BAIAP2L1: variants seen among roughly 807,000 people sequenced by gnomAD.
The protein encoded by BAIAP2L1 is BAR/IMD domain containing adaptor protein 2 like 1, also known as BAR/IMD domain-containing adapter protein 2-like 1.
A neutral mutation model predicts 66.3 loss-of-function variants in BAIAP2L1; 35 were observed. The observed-to-expected ratio is 0.53, with a 90% CI of 0.40 to 0.70. The LOEUF is 0.70. Among genes scored for constraint, BAIAP2L1 ranks in the 30% least tolerant of loss-of-function variants. BAIAP2L1 has a pLI of 0.00. For missense variants in BAIAP2L1, 622 were observed against 656.9 expected (o/e 0.95, Z 0.58); for synonymous variants, 269 against 248.7 (o/e 1.08, Z -0.77).
intron 11 of BAIAP2L1, among the ~76,000 whole-genome samples, chr7:98,305,847 A>G (rs532645588): frequency 2.6e-5 from 4 of 152,262 alleles, no homozygotes; most frequent in African/African-American, 9.6e-5. Flanking sequence ...TCTGATCTGG[A>G]ATACGGATTT....
chr7:98,393,291 C>T (rs2115853497), intron 1 of BAIAP2L1, among the ~76,000 whole-genome samples: 1 of 151,982 alleles, frequency 6.6e-6, no homozygotes, highest in African/African-American at 2.4e-5. Context: ...ATCCATCCTC[C>T]TCGGCCTCCC....
chr7:98,292,427 G>A lies in BAIAP2L1; in HGVS notation c.*1094C>T. 1 of 573,316 alleles carries A rather than the reference G, an allele frequency of 1.7e-6. No individual in the cohort carries two copies. The highest frequency in any genetic ancestry group is 3.1e-6 in the Non-Finnish European group (1 of 322,398). The allele number at this position is 573,316 out of a possible 1,614,324, so 35.5% of individuals were successfully genotyped here. A position where few individuals can be genotyped will look rare whatever the true frequency, so the allele number is the denominator to read the frequency against. ...GACCTCAGGTGATCCCCCTGCCTCG[G>A]CCTCACAAAATGCTGGGATTCCCGT... On this transcript the variant is annotated 3_prime_UTR_variant, in exon 14 of 14. Coordinates refer to ENST00000005260, the MANE Select transcript of BAIAP2L1 (RefSeq NM_018842.5).
chr7:98,357,616 G>A (rs1057077866), intron 2 of BAIAP2L1, among the ~76,000 whole-genome samples: 9 of 149,164 alleles, frequency 6.0e-5, no homozygotes, highest in African/African-American at 2.2e-4. Context: ...TAAAAGTTAT[G>A]GTTTTTACCA....
At chr7:98,383,408 C>T (rs190784143) in intron 1 of BAIAP2L1, among the ~76,000 whole-genome samples, 15 of 151,638 alleles carry the variant, frequency 9.9e-5, no homozygotes, top group African/African-American at 2.7e-4. Context: ...CTCAGCCTCC[C>T]GAGCAGCTGG....
At chr7:98,355,276 T>C (rs1266084891) in intron 2 of BAIAP2L1, 148 bp from the exon 3 acceptor site, 1 of 647,402 alleles carries the variant, frequency 1.5e-6, no homozygotes, top group East Asian at 2.7e-5. Context: ...GTAAGACCTG[T>C]GTTGAGAGTG....
chr7:98,346,813 TGA>T (rs1167286968), intron 3 of BAIAP2L1, among the ~76,000 whole-genome samples: 3 of 152,244 alleles, frequency 2.0e-5, no homozygotes, highest in Admixed American at 2.0e-4. Flanking sequence ...GTAGCAACAC[TGA>T]GTCAAACGTA....
rs141748672 is a variant in BAIAP2L1, at chr7:98,336,994, A to C, written c.215-16696T>G. ...TTTTCTTGTCCATAAAATGGGAATA[A>C]TCTCTCTTACCTGAGAGGACTGCTG... is the stretch of plus-strand genomic sequence containing the variant. On this transcript the variant is annotated intron_variant, in intron 3 of 13. Coordinates refer to ENST00000005260, the MANE Select transcript of BAIAP2L1 (RefSeq NM_018842.5). Among the ~76,000 whole-genome samples the C allele has an allele frequency of 1.1e-4, 17 of 152,292 alleles. 2 individuals are homozygous for C. In the East Asian group the frequency reaches 3.3e-3, roughly 29 times the overall value.
intron 2 of BAIAP2L1, among the ~76,000 whole-genome samples, chr7:98,359,551 G>A (rs971981753): frequency 3.9e-5 from 6 of 152,136 alleles, no homozygotes; most frequent in Admixed American, 6.5e-5. Flanking sequence ...GATTACAGGC[G>A]TGAGCCATCG....
At position 98,362,539 on chromosome 7, in the gene BAIAP2L1, C is replaced by T. The variant is rs1584486357; in HGVS notation, c.52-107G>A. The T allele has an allele frequency of 4.7e-6, 4 of 845,022 alleles. No homozygotes were observed. In the East Asian group the frequency reaches 1.0e-4, roughly 22 times the overall value. 52.3% of individuals were successfully genotyped at this position (845,022 alleles called of 1,614,324 possible). ...GGATAGCTATGGATGCCTAACAGCA[C>T]AGTCTACAAAGTAATGAATGCTGAT... On this transcript the variant is annotated intron_variant, in intron 1 of 13. Coordinates refer to ENST00000005260, the MANE Select transcript of BAIAP2L1 (RefSeq NM_018842.5).
intron 1 of BAIAP2L1, among the ~76,000 whole-genome samples, chr7:98,389,840 GT>G (rs201536671): frequency 6.6e-6 from 1 of 151,662 alleles, no homozygotes; most frequent in Non-Finnish European, 1.5e-5. Context: ...TTAAAAGGCA[GT>G]TTTAAGAACT....
intron 7 of BAIAP2L1, among the ~76,000 whole-genome samples, chr7:98,313,529 A>C (rs1800956754): frequency 6.6e-6 from 1 of 152,110 alleles, no homozygotes; most frequent in Non-Finnish European, 1.5e-5. Flanking sequence ...GAAGATTCTA[A>C]AGTGAACTCT....
At chr7:98,342,684 A>G (rs1801772693) in intron 3 of BAIAP2L1, among the ~76,000 whole-genome samples, 1 of 152,174 alleles carries the variant, frequency 6.6e-6, no homozygotes, top group Admixed American at 6.5e-5. Flanking sequence ...CCCCAAAGAA[A>G]GTCTTATTTC....
At chr7:98,325,919 G>A (rs558554851) in intron 3 of BAIAP2L1, among the ~76,000 whole-genome samples, 3 of 152,306 alleles carry the variant, frequency 2.0e-5, no homozygotes, top group South Asian at 2.1e-4. Context: ...TGAAAGGCTC[G>A]GTCAGCATCT....
chr7:98,326,231 T>C (rs1801379012), intron 3 of BAIAP2L1, among the ~76,000 whole-genome samples: 1 of 152,164 alleles, frequency 6.6e-6, no homozygotes, highest in African/African-American at 2.4e-5. Context: ...GAGCCATGAC[T>C]GTGCCACTGT....
intron 1 of BAIAP2L1, among the ~76,000 whole-genome samples, chr7:98,387,369 T>A (rs1160583170): frequency 2.0e-5 from 3 of 152,116 alleles, no homozygotes; most frequent in Non-Finnish European, 2.9e-5. Context: ...CGGGAAGAAC[T>A]CATGTTGGTG....
chr7:98,320,318 T>C lies in BAIAP2L1; in HGVS notation c.215-20A>G, dbSNP rs754421294. The C allele has an allele frequency of 1.4e-5, 21 of 1,554,170 alleles. No individual in the cohort carries two copies. Among genetic ancestry groups the C allele is most frequent in the Admixed American group, 3.9e-5 (2 of 51,418 alleles). On this transcript the variant is annotated intron_variant, in intron 3 of 13. Transcript: ENST00000005260. Reference sequence around the variant, plus strand: ...CATGTCCTGGGAACAAAACCAGATATGTTAGCGGGAAGCCATTGCGTATTT... The same window carrying C: ...CATGTCCTGGGAACAAAACCAGATACGTTAGCGGGAAGCCATTGCGTATTT...
intron 1 of BAIAP2L1, among the ~76,000 whole-genome samples, chr7:98,372,732 GGTT>G (rs1310548781): frequency 1.4e-4 from 15 of 108,226 alleles, no homozygotes; most frequent in Admixed American, 1.1e-3. Context: ...GATCGATTTT[GGTT>G]TTTTTTTTTT....
rs1803094174 is a variant in BAIAP2L1 at position 98,393,075 on chromosome 7, A to AT, written c.51+7726_51+7727insA. 2.7e-5 allele frequency among the ~76,000 whole-genome samples: 3 copies of AT among 109,932 alleles called. No homozygotes were observed. The South Asian group carries it at 1.1e-3, about 40-fold the overall frequency. The allele number at this position is 109,932 out of a possible 152,430, so 72.1% of individuals were successfully genotyped here. ...TACATATATGTACACATATATGTAT[A>AT]CACACACATATATACATATATACGT... On this transcript the variant is annotated intron_variant, in intron 1 of 13. Transcript: ENST00000005260.
chr7:98,305,047 GT>G (rs59633894), intron 11 of BAIAP2L1, among the ~76,000 whole-genome samples: 40 of 100,354 alleles, frequency 4.0e-4, no homozygotes, highest in Admixed American at 8.6e-4. Flanking sequence ...TTTGTTTTTT[GT>G]TTTTTTTTTT....
Sources: allele counts gnomAD v4.1 joint callset (sites outside exome capture counted in the v4.1 genomes callset), GRCh38; gene constraint gnomAD v4.1.1; transcripts MANE v1.5; gene names NCBI Gene and HGNC (gene_info 2026-07-23, HGNC 2026-07-21).